The following SPMIP11 variants were observed in gnomAD, a reference collection of about 807,000 sequenced individuals.
The protein encoded by SPMIP11 is long intergenic non-protein coding RNA 935.
the SPMIP11 span, among the ~76,000 whole-genome samples, chr12:48,746,014 T>A: frequency 6.6e-6 from 1 of 152,222 alleles, no homozygotes; most frequent in Non-Finnish European, 1.5e-5. Context: ...ATTTATTTAT[T>A]GGGAATTGAT....
At chr12:48,769,005 C>T in the SPMIP11 span, 1 of 1,613,882 alleles carries the variant, frequency 6.2e-7, no homozygotes, top group Non-Finnish European at 8.5e-7. Flanking sequence ...CCCCAGATGT[C>T]ATACTGTGGC....
chr12:48,759,777 T>C, the SPMIP11 span, among the ~76,000 whole-genome samples: 4 of 151,826 alleles, frequency 2.6e-5, no homozygotes, highest in Non-Finnish European at 5.9e-5. Flanking sequence ...GAAAGTAGAC[T>C]TGGTGGGGTA....
chr12:48,746,938 G>T, the SPMIP11 span, among the ~76,000 whole-genome samples: 1 of 151,774 alleles, frequency 6.6e-6, no homozygotes, highest in Admixed American at 6.6e-5. Context: ...AAAAAAATTA[G>T]ATTTGGCCAC....
the SPMIP11 span, among the ~76,000 whole-genome samples, chr12:48,737,608 T>C: frequency 2.6e-5 from 4 of 151,226 alleles, no homozygotes; most frequent in Non-Finnish European, 5.9e-5. Context: ...AGAGACAGGG[T>C]TTCTCCATGT....
At chr12:48,759,285 C>A in the SPMIP11 span, 1 of 702,962 alleles carries the variant, frequency 1.4e-6, no homozygotes, top group South Asian at 1.5e-5. Flanking sequence ...ACCAGAATAG[C>A]CACACAAGAT....
At chr12:48,750,991 G>A in the SPMIP11 span, among the ~76,000 whole-genome samples, 1 of 152,112 alleles carries the variant, frequency 6.6e-6, no homozygotes, top group Non-Finnish European at 1.5e-5. Flanking sequence ...CTATAAAAAT[G>A]AACCTATTAA....
the SPMIP11 span, among the ~76,000 whole-genome samples, chr12:48,742,872 C>T: frequency 6.6e-6 from 1 of 151,786 alleles, no homozygotes; most frequent in African/African-American, 2.4e-5. Flanking sequence ...GCAACAAGAG[C>T]AAAACTCCAT....
chr12:48,757,689 A>AAT, the SPMIP11 span, among the ~76,000 whole-genome samples: 4 of 148,502 alleles, frequency 2.7e-5, no homozygotes, highest in African/African-American at 7.4e-5. Flanking sequence ...ATAAAAAATA[A>AAT]ATATATATAT....
At chr12:48,753,722 G>T in the SPMIP11 span, among the ~76,000 whole-genome samples, 1 of 126,176 alleles carries the variant, frequency 7.9e-6, no homozygotes, top group African/African-American at 3.0e-5. Flanking sequence ...TCTTTTTTTG[G>T]AGACAGTCTC....
the SPMIP11 span, chr12:48,766,236 A>G: frequency 1.3e-5 from 2 of 152,706 alleles, no homozygotes; most frequent in African/African-American, 4.8e-5. Flanking sequence ...AATATATTAA[A>G]TATTTCACTG....
the SPMIP11 span, chr12:48,770,709 C>G: frequency 6.4e-7 from 1 of 1,564,702 alleles, no homozygotes; most frequent in Admixed American, 1.7e-5. Context: ...GCCTATAATC[C>G]CAGCTTCACC....
chr12:48,756,761 AT>A, the SPMIP11 span, among the ~76,000 whole-genome samples: 7 of 133,610 alleles, frequency 5.2e-5, 1 homozygote, highest in Admixed American at 3.7e-4. Flanking sequence ...GCAGAGATGG[AT>A]TTTTTTTTCT....
At chr12:48,734,283 A>G in the SPMIP11 span, among the ~76,000 whole-genome samples, 1 of 149,466 alleles carries the variant, frequency 6.7e-6, no homozygotes, top group Non-Finnish European at 1.5e-5. Flanking sequence ...CCACCCTGCT[A>G]ATTTTTTTGT....
chr12:48,745,706 T>G, the SPMIP11 span, among the ~76,000 whole-genome samples: 1 of 152,234 alleles, frequency 6.6e-6, no homozygotes, highest in African/African-American at 2.4e-5. Flanking sequence ...TTGCAAATCT[T>G]TCTTTATTAG....
At chr12:48,770,379 C>T in the SPMIP11 span, among the ~76,000 whole-genome samples, 1 of 152,108 alleles carries the variant, frequency 6.6e-6, no homozygotes, top group Admixed American at 6.6e-5. Flanking sequence ...CACTCCCATC[C>T]ACCAGTTCAT....
the SPMIP11 span, chr12:48,764,974 T>C: frequency 3.0e-5 from 21 of 702,616 alleles, no homozygotes; most frequent in Admixed American, 1.0e-4. Flanking sequence ...CGCCATTGTC[T>C]CATAAAAAGC....
the SPMIP11 span, among the ~76,000 whole-genome samples, chr12:48,735,239 T>G: frequency 6.6e-6 from 1 of 152,170 alleles, no homozygotes; most frequent in Admixed American, 6.6e-5. Flanking sequence ...ATTTCAGCTT[T>G]GTGATACTCT....
the SPMIP11 span, among the ~76,000 whole-genome samples, chr12:48,748,259 G>C: frequency 1.3e-5 from 2 of 151,994 alleles, no homozygotes; most frequent in Non-Finnish European, 2.9e-5. Context: ...CAAAGATTTT[G>C]CTCCTAAAAC....
At chr12:48,764,899 GC>G in the SPMIP11 span, 18 of 702,818 alleles carry the variant, frequency 2.6e-5, no homozygotes, top group Admixed American at 3.6e-4. Flanking sequence ...CAGAACTTCA[GC>G]TTCTGGTGGT....
Sources: gnomAD v4.1 joint callset for allele counts (sites outside exome capture counted in the v4.1 genomes callset) on GRCh38, gnomAD v4.1.1 for gene constraint, MANE v1.5 for transcripts, NCBI Gene and HGNC (gene_info 2026-07-23, HGNC 2026-07-21) for gene names.